CCDC169: variants seen among roughly 807,000 people sequenced by gnomAD.
CCDC169 encodes coiled-coil domain containing 169, also known as coiled-coil domain-containing protein 169.
In CCDC169, 30 loss-of-function variants were observed where a neutral mutation model predicts 36.0. The ratio of observed to expected loss-of-function variants is 0.83; its 90% confidence interval spans 0.62 to 1.13. CCDC169 has a LOEUF of 1.13. CCDC169 is among the 50% of genes most tolerant of loss of function. The pLI is 0.00. For missense variants in CCDC169, 245 were observed against 245.9 expected (o/e 1.00, Z 0.03); for synonymous variants, 85 against 81.5 (o/e 1.04, Z -0.23).
intron 4 of CCDC169, among the ~76,000 whole-genome samples, chr13:36,270,592 G>A (rs1030966226): frequency 6.6e-6 from 1 of 152,124 alleles, no homozygotes. Flanking sequence ...TAATGGAACA[G>A]AATAGAGAAC....
intron 3 of CCDC169, 21 bp downstream of exon 3, chr13:36,283,571 T>C: frequency 6.4e-7 from 1 of 1,551,152 alleles, no homozygotes; most frequent in Non-Finnish European, 8.7e-7. Flanking sequence ...TTATAAAATG[T>C]ACATATGATT....
downstream of CCDC169, chr13:36,223,158 C>A (rs2138354113): frequency 6.6e-6 from 1 of 152,282 alleles, no homozygotes; most frequent in East Asian, 1.9e-4. Context: ...TATATGTATA[C>A]AACCTATATG....
chr13:36,281,106 C>G (rs889418101), intron 4 of CCDC169: 2 of 349,544 alleles, frequency 5.7e-6, no homozygotes, highest in Non-Finnish European at 1.1e-5. Flanking sequence ...TGAATGATAA[C>G]GTGAAGCAGC....
At chr13:36,254,252 A>T in intron 4 of CCDC169, 109 bp from the exon 5 acceptor site, 20 of 555,932 alleles carry the variant, frequency 3.6e-5, no homozygotes, top group South Asian at 6.4e-5. Flanking sequence ...ATATTTTGTG[A>T]TTTCATAATT....
chr13:36,266,174 A>G (rs925435279), intron 4 of CCDC169, among the ~76,000 whole-genome samples: 8 of 152,184 alleles, frequency 5.3e-5, no homozygotes, highest in Non-Finnish European at 1.2e-4. Context: ...GACTGTCTTC[A>G]GCCTCCTGCT....
chr13:36,240,429 A>T, intron 7 of CCDC169: 1 of 249,078 alleles, frequency 4.0e-6, no homozygotes. Flanking sequence ...CTAGAATGTA[A>T]TTTTTGCAAC....
intron 4 of CCDC169, among the ~76,000 whole-genome samples, chr13:36,271,430 C>G (rs567754242): frequency 6.6e-6 from 1 of 152,206 alleles, no homozygotes; most frequent in South Asian, 2.1e-4. Context: ...AAAAAGAAGT[C>G]ATTATACAAA....
At chr13:36,297,021 TAGAC>T (rs1166705010) in intron 1 of CCDC169, among the ~76,000 whole-genome samples, 4 of 152,116 alleles carry the variant, frequency 2.6e-5, no homozygotes, top group Non-Finnish European at 5.9e-5. Flanking sequence ...AAACAAGAAA[TAGAC>T]AGGCAATTAA....
chr13:36,245,773 T>C (rs1254757721), intron 7 of CCDC169, among the ~76,000 whole-genome samples: 2 of 152,240 alleles, frequency 1.3e-5, no homozygotes, highest in African/African-American at 4.8e-5. Context: ...CTTCACTTTA[T>C]TGTGCTTCAA....
chr13:36,266,406 T>C (rs1875321575), intron 4 of CCDC169, among the ~76,000 whole-genome samples: 1 of 152,096 alleles, frequency 6.6e-6, no homozygotes, highest in South Asian at 2.1e-4. Context: ...TCAGGTAGAC[T>C]TGTAGACTCC....
At position 36,254,191 on chromosome 13, in the gene CCDC169, A is replaced by C. The variant is rs1462907769; in HGVS notation, c.316-48T>G. On this transcript the variant is annotated intron_variant, in intron 4 of 7. Coordinates refer to ENST00000239859, the MANE Select transcript of CCDC169 (RefSeq NM_001144981.3). ...TTTATATGTACTCATGTTCTAAACAAAATAAGAAATGACCATCAATTTCTT... is the reference window on the plus strand; with the variant it reads ...TTTATATGTACTCATGTTCTAAACACAATAAGAAATGACCATCAATTTCTT... 5 of 1,302,452 alleles carry C rather than the reference A, an allele frequency of 3.8e-6. No individual in the cohort carries two copies. The East Asian group carries it at 1.0e-4, about 27-fold the overall frequency. The allele number at this position is 1,302,452 out of a possible 1,614,324, so 80.7% of individuals were successfully genotyped here.
chr13:36,231,051 G>A lies in CCDC169; in HGVS notation c.*142C>T, dbSNP rs534472466. ...CTTTTATGCAGACAAAGGAACACAC[G>A]TCTGGAAAAGGAACTAAAGAAAAAT... On this transcript the variant is annotated 3_prime_UTR_variant, in exon 8 of 8. Coordinates refer to ENST00000239859, the MANE Select transcript of CCDC169 (RefSeq NM_001144981.3). 195 of 1,420,428 alleles carry A rather than the reference G, an allele frequency of 1.4e-4. No homozygotes were observed. Among genetic ancestry groups the A allele is most frequent in the Non-Finnish European group, 1.6e-4 (177 of 1,092,232 alleles). The allele number at this position is 1,420,428 out of a possible 1,614,324, so 88.0% of individuals were successfully genotyped here. A position where few individuals can be genotyped will look rare whatever the true frequency, so the allele number is the denominator to read the frequency against.
chr13:36,290,819 T>C (rs1367469785), intron 2 of CCDC169, among the ~76,000 whole-genome samples: 3 of 152,082 alleles, frequency 2.0e-5, no homozygotes, highest in Non-Finnish European at 2.9e-5. Context: ...AAACGTTTAA[T>C]TGGATTTAAG....
chr13:36,296,166 A>G (rs1385816410), intron 1 of CCDC169, among the ~76,000 whole-genome samples: 1 of 152,208 alleles, frequency 6.6e-6, no homozygotes, highest in African/African-American at 2.4e-5. Flanking sequence ...AACTCGGCTC[A>G]CTGCAACCTC....
intron 7 of CCDC169, among the ~76,000 whole-genome samples, chr13:36,234,625 A>T (rs534511681): frequency 1.5e-4 from 23 of 152,278 alleles, no homozygotes; most frequent in Non-Finnish European, 2.8e-4. Flanking sequence ...AGGAGTAACA[A>T]CTGATTTCTC....
chr13:36,245,962 T>G (rs947845696), intron 7 of CCDC169, among the ~76,000 whole-genome samples: 5 of 152,202 alleles, frequency 3.3e-5, no homozygotes, highest in Non-Finnish European at 5.9e-5. Flanking sequence ...CAGTGATCTT[T>G]GATGTTACTA....
intron 4 of CCDC169, among the ~76,000 whole-genome samples, chr13:36,262,636 G>C (rs1874740971): frequency 6.6e-6 from 1 of 152,180 alleles, no homozygotes; most frequent in South Asian, 2.1e-4. Context: ...GGCTGGAGGG[G>C]TGAAGATTGG....
chr13:36,228,148 G>A (rs1041406889), downstream of CCDC169, among the ~76,000 whole-genome samples: 1 of 152,060 alleles, frequency 6.6e-6, no homozygotes. Flanking sequence ...ATGTTTTTAC[G>A]TGGACATGGG....
At chr13:36,297,603 AC>A in intron 1 of CCDC169, 33 bp downstream of exon 1, 4 of 1,538,738 alleles carry the variant, frequency 2.6e-6, no homozygotes, top group Non-Finnish European at 3.5e-6. Flanking sequence ...GGGGGTGTGG[AC>A]GGGACCCCAC....
Sources: gnomAD v4.1 joint callset for allele counts (sites outside exome capture counted in the v4.1 genomes callset) on GRCh38, gnomAD v4.1.1 for gene constraint, MANE v1.5 for transcripts, NCBI Gene and HGNC (gene_info 2026-07-23, HGNC 2026-07-21) for gene names.